Variants in KAZN observed in about 807,000 individuals in gnomAD.
KAZN encodes kazrin.
A neutral mutation model predicts 87.4 loss-of-function variants in KAZN; 40 were observed. The observed-to-expected ratio is 0.46, with a 90% CI of 0.36 to 0.60. The LOEUF (loss-of-function observed/expected upper bound fraction) is 0.60. Among genes scored for constraint, KAZN ranks in the 20% least tolerant of loss-of-function variants. The pLI is 0.00. For synonymous variants in KAZN, 466 were observed against 458.3 expected (o/e 1.02, Z -0.22); for missense variants, 898 against 1,073.9 (o/e 0.84, Z 2.29).
chr1:14,938,496 C>G (rs979529762), intron 1 of KAZN, among the ~76,000 whole-genome samples: 1 of 149,562 alleles, frequency 6.7e-6, no homozygotes, highest in East Asian at 2.0e-4. Flanking sequence ...GAACCAAGAT[C>G]GCACCACTGC....
intron 2 of KAZN, among the ~76,000 whole-genome samples, chr1:14,336,456 A>G (rs929036371): frequency 4.6e-5 from 7 of 152,202 alleles, no homozygotes; most frequent in South Asian, 2.1e-4. Flanking sequence ...ACAGTTTTCA[A>G]TCCTTTTGAG....
chr1:15,003,370 TC>T (rs566083837), intron 2 of KAZN, among the ~76,000 whole-genome samples: 39 of 152,270 alleles, frequency 2.6e-4, no homozygotes, highest in Admixed American at 2.2e-3. Context: ...AATCCACTCA[TC>T]CCTTTGGGGG....
chr1:14,990,745 T>C (rs574161834), intron 2 of KAZN, among the ~76,000 whole-genome samples: 172 of 152,048 alleles, frequency 1.1e-3, no homozygotes, highest in African/African-American at 4.0e-3. Flanking sequence ...CTGCCTGTTA[T>C]ATGTTGTTAT....
At chr1:15,039,530 CA>C (rs544556908) in intron 3 of KAZN, among the ~76,000 whole-genome samples, 1 of 152,126 alleles carries the variant, frequency 6.6e-6, no homozygotes, top group South Asian at 2.1e-4. Flanking sequence ...TTTCAGTGGC[CA>C]AACTAGCATT....
chr1:14,532,132 C>A (rs1672239545), intron 2 of KAZN, among the ~76,000 whole-genome samples: 1 of 152,072 alleles, frequency 6.6e-6, no homozygotes, highest in Admixed American at 6.5e-5. Context: ...GGCATGACAG[C>A]CTCCCCTCTT....
chr1:14,975,748 G>A (rs1665528096), intron 2 of KAZN, among the ~76,000 whole-genome samples: 1 of 152,096 alleles, frequency 6.6e-6, no homozygotes, highest in Non-Finnish European at 1.5e-5. Flanking sequence ...AGCAAAGAAG[G>A]TGGCCGGGCA....
chr1:14,707,756 A>G (rs1410826391), intron 1 of KAZN, among the ~76,000 whole-genome samples: 2 of 152,184 alleles, frequency 1.3e-5, no homozygotes, highest in Non-Finnish European at 2.9e-5. Context: ...ATTTACGCCG[A>G]AGTCATCAAA....
chr1:14,685,026 G>A (rs563149375), intron 1 of KAZN, among the ~76,000 whole-genome samples: 20 of 152,240 alleles, frequency 1.3e-4, no homozygotes, highest in East Asian at 1.9e-4. Context: ...GCTCCATCCC[G>A]AGAGTAAAAC....
intron 1 of KAZN, among the ~76,000 whole-genome samples, chr1:14,936,245 A>G (rs1660443612): frequency 6.6e-6 from 1 of 152,112 alleles, no homozygotes; most frequent in African/African-American, 2.4e-5. Context: ...TAGCTCACGG[A>G]TCTGTGGTTG....
intron 2 of KAZN, among the ~76,000 whole-genome samples, chr1:15,008,438 C>G (rs1166469517): frequency 6.6e-6 from 1 of 152,196 alleles, no homozygotes; most frequent in African/African-American, 2.4e-5. Flanking sequence ...TCTCATTCAT[C>G]AGATGGGAAC....
intron 1 of KAZN, among the ~76,000 whole-genome samples, chr1:14,611,441 A>T (rs1433284893): frequency 6.6e-6 from 1 of 152,184 alleles, no homozygotes; most frequent in Non-Finnish European, 1.5e-5. Flanking sequence ...GCATAAGATT[A>T]TGCACCCTCC....
chr1:14,588,239 G>C (rs896969081), intron 2 of KAZN, among the ~76,000 whole-genome samples: 3 of 152,104 alleles, frequency 2.0e-5, no homozygotes, highest in African/African-American at 7.2e-5. Flanking sequence ...AGCAAATCTG[G>C]ATTTTGAATC....
chr1:14,791,742 G>A (rs1645680386), intron 1 of KAZN, among the ~76,000 whole-genome samples: 2 of 152,338 alleles, frequency 1.3e-5, no homozygotes, highest in East Asian at 3.9e-4. Context: ...GTTGCAGAGA[G>A]CAGCTCCCGG....
intron 2 of KAZN, among the ~76,000 whole-genome samples, chr1:14,336,965 A>AT (rs1460506651): frequency 6.6e-6 from 1 of 152,142 alleles, no homozygotes; most frequent in African/African-American, 2.4e-5. Context: ...AATTTATTCA[A>AT]TTTTTTGTTG....
At chr1:14,763,324 T>C (rs1397892959) in intron 1 of KAZN, among the ~76,000 whole-genome samples, 2 of 152,178 alleles carry the variant, frequency 1.3e-5, no homozygotes, top group Non-Finnish European at 2.9e-5. Context: ...TCTTTCACTG[T>C]GTGTATGGTT....
intron 1 of KAZN, among the ~76,000 whole-genome samples, chr1:14,823,524 G>A (rs1289849146): frequency 6.6e-6 from 1 of 152,154 alleles, no homozygotes; most frequent in Non-Finnish European, 1.5e-5. Flanking sequence ...TCACCAGCCT[G>A]GGGGCAGCTA....
intron 2 of KAZN, among the ~76,000 whole-genome samples, chr1:14,258,895 A>C (rs187802543): frequency 6.6e-6 from 1 of 152,312 alleles, no homozygotes; most frequent in African/African-American, 2.4e-5. Context: ...AATGGTCAAC[A>C]CACGTTTATT....
chr1:14,614,491 A>C (rs563826042), intron 1 of KAZN, among the ~76,000 whole-genome samples: 1 of 152,340 alleles, frequency 6.6e-6, no homozygotes, highest in South Asian at 2.1e-4. Context: ...TAAGGATGAG[A>C]GCTCTGCAGC....
Position 14,154,134 on chromosome 1 carries a change from A to G in KAZN, c.92-26301A>G, listed in dbSNP as rs763387179. On this transcript the variant is annotated intron_variant, in intron 1 of 16. Transcript: ENST00000636203. ...TAATATCGATTCTTCCAATCCATGA[A>G]CATGAAATATCTTTCCATTGTTTTG... Among the ~76,000 whole-genome samples, 121 of 152,322 alleles carry G rather than the reference A, an allele frequency of 7.9e-4. 1 individual carries two copies. Among genetic ancestry groups the G allele is most frequent in the Admixed American group, 1.8e-3 (27 of 15,292 alleles).
Sources: gnomAD v4.1 joint callset for allele counts (sites outside exome capture counted in the v4.1 genomes callset) on GRCh38, gnomAD v4.1.1 for gene constraint, MANE v1.5 for transcripts, NCBI Gene and HGNC (gene_info 2026-07-23, HGNC 2026-07-21) for gene names.